Variants in MMP16 observed in about 807,000 individuals in gnomAD.
MMP16 encodes matrix metallopeptidase 16.
A neutral mutation model predicts 67.8 loss-of-function variants in MMP16; 12 were observed. That is an observed-to-expected ratio of 0.18 (90% confidence interval 0.11 to 0.29). The LOEUF (loss-of-function observed/expected upper bound fraction) is 0.29. Ranked by LOEUF, MMP16 falls within the 10% of genes least tolerant of loss-of-function variation. The pLI, the probability that MMP16 is intolerant of heterozygous loss-of-function variation, is 1.00. For synonymous variants in MMP16, 249 were observed against 255.9 expected (o/e 0.97, Z 0.26); for missense variants, 475 against 765.7 (o/e 0.62, Z 4.48).
chr8:88,258,585 CT>C (rs1260346271), intron 1 of MMP16, among the ~76,000 whole-genome samples: 1 of 152,120 alleles, frequency 6.6e-6, no homozygotes, highest in Non-Finnish European at 1.5e-5. Flanking sequence ...CAAAGTAGGC[CT>C]TTTAAGCAAA....
chr8:88,233,611 G>A (rs1809896752), intron 1 of MMP16, among the ~76,000 whole-genome samples: 1 of 152,144 alleles, frequency 6.6e-6, no homozygotes, highest in Admixed American at 6.5e-5. Flanking sequence ...CATTCTTTCT[G>A]AACAAAGGAG....
chr8:88,222,007 A>C (rs1365256347), intron 1 of MMP16, among the ~76,000 whole-genome samples: 1 of 152,050 alleles, frequency 6.6e-6, no homozygotes, highest in Non-Finnish European at 1.5e-5. Context: ...TTATTTTAGA[A>C]GAAAATCATC....
chr8:88,261,843 C>A (rs1030381935), intron 1 of MMP16, among the ~76,000 whole-genome samples: 1 of 151,450 alleles, frequency 6.6e-6, no homozygotes, highest in Non-Finnish European at 1.5e-5. Context: ...CTGAGTGTAT[C>A]CTATGCACTG....
intron 4 of MMP16, among the ~76,000 whole-genome samples, chr8:88,126,460 T>C (rs566467252): frequency 2.0e-5 from 3 of 152,040 alleles, no homozygotes; most frequent in South Asian, 2.1e-4. Context: ...CTGTCAGTTA[T>C]AAGATAAATA....
At chr8:88,181,400 C>CA (rs1385337595) in intron 3 of MMP16, among the ~76,000 whole-genome samples, 1 of 151,738 alleles carries the variant, frequency 6.6e-6, no homozygotes, top group African/African-American at 2.4e-5. Context: ...ATAAACAACT[C>CA]AAATTTGATA....
rs1479466584 is a variant in MMP16, at chr8:88,167,944, T to C, written c.434A>G (p.Asp145Gly). 3 of 1,611,892 alleles carry C rather than the reference T, an allele frequency of 1.9e-6. No homozygotes were observed. Among genetic ancestry groups the C allele is most frequent in the Non-Finnish European group, 2.5e-6 (3 of 1,179,024 alleles). ...SIKNVTPKVG[D>G]PETRKAIRRA... The stretch of plus-strand genomic sequence containing the variant: ...GCGAATAGCTTTACGAGTCTCAGGG[T>C]CTCCTACTTTTGGAGTTACGTTCTT... Residue 145 changes from aspartate (D) to glycine (G), a missense_variant, in exon 4 of 10, where the codon GAC becomes GGC. Transcript: ENST00000286614.
chr8:88,230,545 T>C (rs1809842209), intron 1 of MMP16, among the ~76,000 whole-genome samples: 1 of 151,784 alleles, frequency 6.6e-6, no homozygotes, highest in Non-Finnish European at 1.5e-5. Context: ...CTTTTTTTTT[T>C]TTTTTTTAGT....
chr8:88,206,147 T>A (rs1226594951), intron 1 of MMP16, among the ~76,000 whole-genome samples: 1 of 151,652 alleles, frequency 6.6e-6, no homozygotes, highest in African/African-American at 2.4e-5. Flanking sequence ...GTAAAAAAAA[T>A]ATATAATCTA....
chr8:88,139,418 G>A (rs1263522731), intron 4 of MMP16, among the ~76,000 whole-genome samples: 1 of 152,042 alleles, frequency 6.6e-6, no homozygotes. Context: ...TAAACTCACA[G>A]TAATTCACAC....
intron 1 of MMP16, among the ~76,000 whole-genome samples, chr8:88,291,908 C>A (rs114778707): frequency 4.8e-4 from 73 of 152,204 alleles, no homozygotes; most frequent in African/African-American, 1.6e-3. Context: ...CTGTAATCCT[C>A]GTGTTAGTAG....
At chr8:88,320,238 G>C (rs191195587) in intron 1 of MMP16, among the ~76,000 whole-genome samples, 143 of 152,234 alleles carry the variant, frequency 9.4e-4, no homozygotes, top group Non-Finnish European at 1.7e-3. Flanking sequence ...TATTCAATAA[G>C]GACTCATGGT....
intron 6 of MMP16, among the ~76,000 whole-genome samples, chr8:88,093,586 CTTAATG>C (rs992475875): frequency 1.3e-5 from 2 of 151,786 alleles, no homozygotes; most frequent in Non-Finnish European, 2.9e-5. Context: ...TTTACACTAC[CTTAATG>C]TTGTTTGGTA....
chr8:88,215,254 C>A (rs759392401), intron 1 of MMP16, among the ~76,000 whole-genome samples: 3 of 151,868 alleles, frequency 2.0e-5, no homozygotes, highest in Non-Finnish European at 4.4e-5. Context: ...TGCTTGAACC[C>A]AGGAGGCGGA....
At chr8:88,072,866 C>CA in intron 7 of MMP16, among the ~76,000 whole-genome samples, 1 of 152,082 alleles carries the variant, frequency 6.6e-6, no homozygotes, top group Non-Finnish European at 1.5e-5. Context: ...ATAGGGTGGG[C>CA]AGGGAGGCCA....
chr8:88,317,818 T>C (rs1024906811), intron 1 of MMP16, among the ~76,000 whole-genome samples: 9 of 152,118 alleles, frequency 5.9e-5, no homozygotes, highest in African/African-American at 1.4e-4. Flanking sequence ...TCAACCACCA[T>C]ATTGGAGTTT....
At chr8:88,043,442 C>A (rs1186810203) in intron 9 of MMP16, among the ~76,000 whole-genome samples, 1 of 152,126 alleles carries the variant, frequency 6.6e-6, no homozygotes, top group East Asian at 1.9e-4. Context: ...TGCCACCATG[C>A]CTAGCTAATT....
intron 4 of MMP16, among the ~76,000 whole-genome samples, chr8:88,148,904 G>C (rs1025092328): frequency 6.6e-6 from 1 of 152,206 alleles, no homozygotes. Flanking sequence ...CTCCCAGCGT[G>C]AGCGACGCAG....
At chr8:88,179,818 G>A (rs1469745623) in intron 3 of MMP16, among the ~76,000 whole-genome samples, 3 of 152,052 alleles carry the variant, frequency 2.0e-5, no homozygotes, top group East Asian at 1.9e-4. Flanking sequence ...ACAGTAAAAA[G>A]GAGGACAATT....
intron 1 of MMP16, among the ~76,000 whole-genome samples, chr8:88,250,922 C>G: frequency 7.7e-6 from 1 of 129,952 alleles, no homozygotes; most frequent in Non-Finnish European, 1.6e-5. Context: ...TGCTATCCCT[C>G]CCCCCTCCCC....
Sources: allele counts gnomAD v4.1 joint callset (sites outside exome capture counted in the v4.1 genomes callset), GRCh38; gene constraint gnomAD v4.1.1; transcripts MANE v1.5; gene names NCBI Gene and HGNC (gene_info 2026-07-23, HGNC 2026-07-21).